Variants in MAGI3 observed in about 807,000 individuals in gnomAD.
MAGI3 encodes membrane associated guanylate kinase, WW and PDZ domain containing 3.
MAGI3 carries 43 observed loss-of-function variants against 121.8 expected under a neutral mutation model. That is an observed-to-expected ratio of 0.35 (90% CI 0.28 to 0.46). The LOEUF is 0.46. Ranked by LOEUF, MAGI3 falls within the 20% of genes least tolerant of loss-of-function variation. The probability of loss-of-function intolerance (pLI) is 1.00; values close to 1 mark genes in which losing one functional copy is unlikely to be tolerated. For missense variants in MAGI3, 1,547 were observed against 1,797.3 expected (o/e 0.86, Z 2.52); for synonymous variants, 553 against 639.3 (o/e 0.86, Z 2.04).
chr1:113,645,022 C>CTTT (rs10548467), intron 11 of MAGI3, among the ~76,000 whole-genome samples: 8 of 104,346 alleles, frequency 7.7e-5, no homozygotes, highest in South Asian at 3.3e-4. Flanking sequence ...AGCTTCTGGC[C>CTTT]TTTTTTTTTT....
At chr1:113,627,752 C>T (rs1303610994) in intron 9 of MAGI3, among the ~76,000 whole-genome samples, 1 of 151,592 alleles carries the variant, frequency 6.6e-6, no homozygotes, top group African/African-American at 2.4e-5. Flanking sequence ...GCTGAATTGA[C>T]CCCTTTATTA....
At chr1:113,456,170 T>TTAA (rs1654747588) in intron 1 of MAGI3, among the ~76,000 whole-genome samples, 1 of 148,940 alleles carries the variant, frequency 6.7e-6, no homozygotes, top group Non-Finnish European at 1.5e-5. Flanking sequence ...TTTCACCATG[T>TTAA]TAACCAGGAT....
intron 1 of MAGI3, among the ~76,000 whole-genome samples, chr1:113,433,178 C>T (rs1653391609): frequency 6.6e-6 from 1 of 151,958 alleles, no homozygotes; most frequent in Non-Finnish European, 1.5e-5. Flanking sequence ...AGTGAAGAAC[C>T]TGTGGGAGAT....
chr1:113,419,409 G>A (rs7552954), intron 1 of MAGI3, among the ~76,000 whole-genome samples: 82,812 of 151,908 alleles, frequency 0.55, 23,867 homozygotes, highest in African/African-American at 0.72. Flanking sequence ...GATCAGAACT[G>A]TTCAGAGTTC....
chr1:113,554,768 A>G (rs1290114109), intron 2 of MAGI3, among the ~76,000 whole-genome samples: 1 of 152,110 alleles, frequency 6.6e-6, no homozygotes, highest in Non-Finnish European at 1.5e-5. Context: ...GATCCCAAGC[A>G]GAAGAAATGT....
At chr1:113,403,751 T>C (rs1651530579) in intron 1 of MAGI3, 2 of 152,206 alleles carry the variant, frequency 1.3e-5, no homozygotes, top group African/African-American at 4.8e-5. Context: ...GCTTTACTTC[T>C]GCCTTCCATA....
At chr1:113,657,597 A>G (rs1174668212) in intron 15 of MAGI3, among the ~76,000 whole-genome samples, 1 of 152,170 alleles carries the variant, frequency 6.6e-6, no homozygotes, top group East Asian at 1.9e-4. Flanking sequence ...AAAGAACACT[A>G]TGTTTGAGTA....
intron 1 of MAGI3, among the ~76,000 whole-genome samples, chr1:113,433,928 T>G (rs1026695366): frequency 2.0e-5 from 3 of 152,172 alleles, no homozygotes; most frequent in African/African-American, 7.2e-5. Flanking sequence ...ACTTATGTAT[T>G]TTCTTATTTT....
Position 113,422,910 on chromosome 1 carries a change from G to C in MAGI3, c.316+31561G>C, listed in dbSNP as rs991626391. 9.2e-5 allele frequency among the ~76,000 whole-genome samples: 14 copies of C among 152,280 alleles called. No homozygotes were observed. The highest frequency in any genetic ancestry group is 3.1e-4 in the African/African-American group (13 of 41,558). On this transcript the variant is annotated intron_variant, in intron 1 of 20. Coordinates refer to ENST00000307546, the MANE Select transcript of MAGI3 (RefSeq NM_001142782.2). This position sits in a 1 kb window ranked among gnomAD's most constrained non-coding sequence, Gnocchi z 4.3. ...GTGTGGCTGCCTGGTGCGGTGGAGG[G>C]CGGGAGGGCTATAGTGTTACAGAAA...
intron 1 of MAGI3, among the ~76,000 whole-genome samples, chr1:113,547,443 A>G (rs1047058829): frequency 1.3e-5 from 2 of 152,214 alleles, no homozygotes; most frequent in African/African-American, 4.8e-5. Context: ...AGCCTACATT[A>G]TGTTGTTTTT....
intron 1 of MAGI3, among the ~76,000 whole-genome samples, chr1:113,463,040 C>T (rs986260977): frequency 6.6e-6 from 1 of 151,962 alleles, no homozygotes; most frequent in Non-Finnish European, 1.5e-5. Flanking sequence ...TCTTGAATAC[C>T]TCTAAGAAAG....
At chr1:113,610,725 C>T (rs544935590) in intron 6 of MAGI3, among the ~76,000 whole-genome samples, 1 of 152,216 alleles carries the variant, frequency 6.6e-6, no homozygotes, top group Admixed American at 6.5e-5. Flanking sequence ...ATCACGAGGT[C>T]AGGAGACCAA....
In MAGI3 at chr1:113,673,311, T is replaced by A; in HGVS notation, c.3046-11T>A. On this transcript the variant is annotated splice_polypyrimidine_tract_variant and intron_variant, in intron 18 of 20. Coordinates refer to ENST00000307546, the MANE Select transcript of MAGI3 (RefSeq NM_001142782.2). ...TGAGAACTTGCTTTTCTTATACTTCTTTCTCTCTAGAACCTTGGTTGTTAT... is the reference window on the plus strand; with the variant it reads ...TGAGAACTTGCTTTTCTTATACTTCATTCTCTCTAGAACCTTGGTTGTTAT... 6.2e-7 allele frequency: 1 copy of A among 1,606,324 alleles called. No individual in the cohort carries two copies. Among genetic ancestry groups the A allele is most frequent in the Non-Finnish European group, 8.5e-7 (1 of 1,178,466 alleles).
At chr1:113,480,197 G>C (rs1329022114) in intron 1 of MAGI3, among the ~76,000 whole-genome samples, 1 of 152,130 alleles carries the variant, frequency 6.6e-6, no homozygotes, top group Non-Finnish European at 1.5e-5. Flanking sequence ...ATTAGTATCT[G>C]CCCATTTGAA....
At chr1:113,403,670 T>C (rs1651525385) in intron 1 of MAGI3, 1 of 152,172 alleles carries the variant, frequency 6.6e-6, no homozygotes, top group Admixed American at 6.5e-5. Context: ...AGCTGGAGAC[T>C]GGATACTGAC....
intron 1 of MAGI3, among the ~76,000 whole-genome samples, chr1:113,514,327 T>C (rs1351422739): frequency 6.6e-6 from 1 of 152,152 alleles, no homozygotes; most frequent in African/African-American, 2.4e-5. Flanking sequence ...CATGCACATG[T>C]ATGTTTATTG....
chr1:113,562,817 T>G (rs919942020), intron 2 of MAGI3, among the ~76,000 whole-genome samples: 2 of 152,180 alleles, frequency 1.3e-5, no homozygotes, highest in Non-Finnish European at 1.5e-5. Context: ...CTGCACAACC[T>G]GTGCATGTAC....
intron 16 of MAGI3, among the ~76,000 whole-genome samples, chr1:113,659,997 C>T (rs1257232937): frequency 6.6e-6 from 1 of 152,148 alleles, no homozygotes; most frequent in South Asian, 2.1e-4. Context: ...TGTTAAAATT[C>T]CTCATACTAT....
chr1:113,679,211 G>A (rs561903161), intron 19 of MAGI3, among the ~76,000 whole-genome samples: 2 of 152,164 alleles, frequency 1.3e-5, no homozygotes, highest in South Asian at 4.2e-4. Flanking sequence ...CAGGTAGTGG[G>A]CATAGTACCC....
Sources: gnomAD v4.1 joint callset for allele counts (sites outside exome capture counted in the v4.1 genomes callset) on GRCh38, gnomAD v4.1.1 for gene constraint, Gnocchi (gnomAD v3.1) non-coding constraint, MANE v1.5 for transcripts, NCBI Gene and HGNC (gene_info 2026-07-23, HGNC 2026-07-21) for gene names.